The following FBXO28 variants were observed in gnomAD, a reference collection of about 807,000 sequenced individuals.
The protein encoded by FBXO28 is F-box protein 28, also known as F-box only protein 28.
A neutral mutation model predicts 38.1 loss-of-function variants in FBXO28; 8 were observed. That is an observed-to-expected ratio of 0.21 (90% confidence interval 0.12 to 0.38). The LOEUF (loss-of-function observed/expected upper bound fraction) is 0.38, where lower values mean the gene tolerates loss of function less well. Among genes scored for constraint, FBXO28 ranks in the 10% least tolerant of loss-of-function variants. The pLI, the probability that FBXO28 is intolerant of heterozygous loss-of-function variation, is 1.00. For missense variants in FBXO28, 345 were observed against 460.6 expected (o/e 0.75, Z 2.30); for synonymous variants, 168 against 173.8 (o/e 0.97, Z 0.26).
At chr1:224,121,637 G>A (rs1231062787) in intron 1 of FBXO28, among the ~76,000 whole-genome samples, 2 of 152,000 alleles carry the variant, frequency 1.3e-5, no homozygotes, top group African/African-American at 4.8e-5. Context: ...TTGCAGACGT[G>A]AGCCACCACA....
At chr1:224,142,460 A>C (rs1286193088) in intron 3 of FBXO28, among the ~76,000 whole-genome samples, 1 of 146,710 alleles carries the variant, frequency 6.8e-6, no homozygotes, top group Non-Finnish European at 1.5e-5. Flanking sequence ...TTAAGTTTTA[A>C]CTTCTTGACT....
intron 2 of FBXO28, among the ~76,000 whole-genome samples, chr1:224,131,707 A>ATACT (rs1032042429): frequency 2.0e-5 from 3 of 152,214 alleles, no homozygotes; most frequent in African/African-American, 7.2e-5. Flanking sequence ...TGTCAGCACT[A>ATACT]TACTATATAA....
chr1:224,142,284 A>G (rs1490992703), intron 3 of FBXO28, among the ~76,000 whole-genome samples: 3 of 150,886 alleles, frequency 2.0e-5, no homozygotes, highest in African/African-American at 7.3e-5. Flanking sequence ...CCCAGGAGGT[A>G]GAGGTTGCAG....
intron 1 of FBXO28, among the ~76,000 whole-genome samples, chr1:224,117,356 C>T (rs1656665814): frequency 6.6e-6 from 1 of 151,746 alleles, no homozygotes; most frequent in Non-Finnish European, 1.5e-5. Flanking sequence ...TTAGTAGAGA[C>T]GGGGTTTCAC....
intron 1 of FBXO28, 101 bp downstream of exon 1, chr1:224,114,497 C>T: frequency 9.9e-7 from 1 of 1,013,404 alleles, no homozygotes; most frequent in African/African-American, 1.6e-5. Context: ...CCGCGAGCCC[C>T]AGCCGGCTAC....
chr1:224,145,779 C>T (rs552581504), intron 3 of FBXO28, among the ~76,000 whole-genome samples: 7 of 151,860 alleles, frequency 4.6e-5, no homozygotes, highest in Non-Finnish European at 8.8e-5. Context: ...AAAAATTATC[C>T]GGGCATGGGC....
chr1:224,130,640 C>CT lies in FBXO28; in HGVS notation c.377+66dup, dbSNP rs1402981691. 1.2e-5 allele frequency: 14 copies of CT among 1,153,250 alleles called. No individual in the cohort carries two copies. The Admixed American group carries it at 1.5e-4, about 12-fold the overall frequency. 71.4% of individuals were successfully genotyped at this position (1,153,250 alleles called of 1,614,324 possible). A position where few individuals can be genotyped will look rare whatever the true frequency, so the allele number is the denominator to read the frequency against. On this transcript the variant is annotated intron_variant, in intron 2 of 4. Coordinates refer to ENST00000366862, the MANE Select transcript of FBXO28 (RefSeq NM_015176.4). Reference sequence around the variant, plus strand: ...GTTGGTTTTGTTTGTTGCTTGACTTCTTTTTTTCAGTCTCATGGTTTACAT... The same window carrying CT: ...GTTGGTTTTGTTTGTTGCTTGACTTCTTTTTTTTCAGTCTCATGGTTTACAT...
intron 3 of FBXO28, among the ~76,000 whole-genome samples, chr1:224,139,796 AC>A (rs1456745767): frequency 7.2e-5 from 11 of 151,918 alleles, no homozygotes; most frequent in African/African-American, 2.7e-4. Flanking sequence ...ATACATACAT[AC>A]ATACATTTTG....
rs534481123 is a variant in FBXO28 at position 224,123,183 on chromosome 1, A to G, written c.268-7289A>G. ...GATCATTTAAGAACTGTAGAGTGCCAAACTAATACATTTTATTTATTTATT... is the reference window on the plus strand; with the variant it reads ...GATCATTTAAGAACTGTAGAGTGCCGAACTAATACATTTTATTTATTTATT... On this transcript the variant is annotated intron_variant, in intron 1 of 4. Coordinates refer to ENST00000366862, the MANE Select transcript of FBXO28 (RefSeq NM_015176.4). Among the ~76,000 whole-genome samples the G allele has an allele frequency of 6.6e-5, 10 of 152,308 alleles. No homozygotes were observed. In the East Asian group the frequency reaches 1.9e-3, roughly 29 times the overall value.
intron 2 of FBXO28, among the ~76,000 whole-genome samples, chr1:224,133,173 T>C (rs1657094529): frequency 6.6e-6 from 1 of 152,126 alleles, no homozygotes; most frequent in Non-Finnish European, 1.5e-5. Context: ...AATAGGTGGA[T>C]CCAGAGAAAC....
chr1:224,128,879 G>A (rs1459467159), intron 1 of FBXO28, among the ~76,000 whole-genome samples: 1 of 151,516 alleles, frequency 6.6e-6, no homozygotes, highest in Non-Finnish European at 1.5e-5. Context: ...TCAGCTACTT[G>A]GGAGGCTGAG....
intron 3 of FBXO28, among the ~76,000 whole-genome samples, chr1:224,143,843 A>AAG (rs1416636512): frequency 8.6e-5 from 13 of 151,034 alleles, no homozygotes; most frequent in Middle Eastern, 6.8e-3. Context: ...CTCAAAAAAA[A>AAG]AAAAAAGAAA....
At position 224,148,933 on chromosome 1, in the gene FBXO28, C is replaced by T. The variant is rs564529304; in HGVS notation, c.517-4209C>T. Reference sequence around the variant, plus strand: ...ATCTCTACTCTGTTTTCACACAGCACTTTGCTTATACATTGAACTTATTAC... The same window carrying T: ...ATCTCTACTCTGTTTTCACACAGCATTTTGCTTATACATTGAACTTATTAC... On this transcript the variant is annotated intron_variant, in intron 3 of 4. Transcript: ENST00000366862. Among the ~76,000 whole-genome samples the T allele has an allele frequency of 7.2e-5, 11 of 152,276 alleles. No homozygotes were observed. In the South Asian group the frequency reaches 2.1e-3, roughly 29 times the overall value.
intron 2 of FBXO28, among the ~76,000 whole-genome samples, chr1:224,133,359 T>C (rs1657098255): frequency 6.6e-6 from 1 of 152,176 alleles, no homozygotes; most frequent in Admixed American, 6.5e-5. Flanking sequence ...AATTTTATTA[T>C]GTCTGAGTTA....
chr1:224,155,956 G>T (rs1657765043), intron 4 of FBXO28, among the ~76,000 whole-genome samples: 1 of 152,206 alleles, frequency 6.6e-6, no homozygotes, highest in African/African-American at 2.4e-5. Flanking sequence ...TGAGAGCAGA[G>T]AAACAATTTT....
chr1:224,135,189 C>T (rs1657145280), intron 3 of FBXO28, among the ~76,000 whole-genome samples: 1 of 152,102 alleles, frequency 6.6e-6, no homozygotes, highest in South Asian at 2.1e-4. Flanking sequence ...AAGAGGATGA[C>T]CAGTTAGAAA....
chr1:224,136,108 T>TTTTTTTG (rs1485496182), intron 3 of FBXO28, among the ~76,000 whole-genome samples: 3 of 128,454 alleles, frequency 2.3e-5, no homozygotes, highest in Admixed American at 1.6e-4. Flanking sequence ...TCAGTTTTTT[T>TTTTTTTG]TTTTTTTTTT....
intron 1 of FBXO28, among the ~76,000 whole-genome samples, chr1:224,123,803 G>T (rs1656839751): frequency 6.6e-6 from 1 of 152,044 alleles, no homozygotes; most frequent in African/African-American, 2.4e-5. Flanking sequence ...AAAAATTTTT[G>T]TAAAACAATC....
At chr1:224,119,883 G>A (rs926363916) in intron 1 of FBXO28, among the ~76,000 whole-genome samples, 3 of 152,144 alleles carry the variant, frequency 2.0e-5, no homozygotes, top group African/African-American at 7.2e-5. Flanking sequence ...CTAGATTAGT[G>A]GTCACCTGTC....
Sources: allele counts gnomAD v4.1 joint callset (sites outside exome capture counted in the v4.1 genomes callset), GRCh38; gene constraint gnomAD v4.1.1; transcripts MANE v1.5; gene names NCBI Gene and HGNC (gene_info 2026-07-23, HGNC 2026-07-21).